The following ZNF91 variants were observed in gnomAD, a reference collection of about 807,000 sequenced individuals.
The protein encoded by ZNF91 is zinc finger protein 91, also known as zinc finger protein 91 (HPF7, HTF10).
In ZNF91, 7 loss-of-function variants were observed where a neutral mutation model predicts 12.6. That is an observed-to-expected ratio of 0.55 (90% confidence interval 0.31 to 1.04). ZNF91 has a LOEUF of 1.04. Ranked by LOEUF, ZNF91 falls within the 50% of genes least tolerant of loss-of-function variation. The pLI, the probability that ZNF91 is intolerant of heterozygous loss-of-function variation, is 0.05. For synonymous variants in ZNF91, 453 were observed against 462.6 expected, an observed-to-expected ratio of 0.98 and a Z score of 0.27; for missense variants, 1,217 against 1,385.4, an observed-to-expected ratio of 0.88 and a Z score of 1.93.
chr19:23,370,480 A>T (rs2145088232), intron 3 of ZNF91, among the ~76,000 whole-genome samples: 1 of 152,298 alleles, frequency 6.6e-6, no homozygotes, highest in East Asian at 1.9e-4. Context: ...AACAATGTTA[A>T]TATTAACAGG....
intron 3 of ZNF91, among the ~76,000 whole-genome samples, chr19:23,350,705 A>T (rs77678589): frequency 2.6e-5 from 4 of 152,150 alleles, no homozygotes; most frequent in African/African-American, 9.7e-5. Context: ...TTGTCCAAGT[A>T]GCGTGCATCA....
chr19:23,354,175 T>C (rs768594515), downstream of ZNF91, among the ~76,000 whole-genome samples: 1 of 152,130 alleles, frequency 6.6e-6, no homozygotes, highest in East Asian at 1.9e-4. Context: ...TTGATAAACA[T>C]TGATGCTAAT....
intron 1 of ZNF91, chr19:23,384,440 T>C (rs1969810656): frequency 2.9e-6 from 1 of 339,390 alleles, no homozygotes. Context: ...TGACAGTTCC[T>C]AACGAAAAAG....
chr19:23,367,904 T>C (rs949609604), intron 3 of ZNF91, among the ~76,000 whole-genome samples: 1 of 152,138 alleles, frequency 6.6e-6, no homozygotes, highest in Non-Finnish European at 1.5e-5. Context: ...TTTGTTGTTG[T>C]TGCTGTTTTG....
At chr19:23,390,967 C>T (rs1304279551) in intron 1 of ZNF91, among the ~76,000 whole-genome samples, 5 of 152,196 alleles carry the variant, frequency 3.3e-5, no homozygotes, top group South Asian at 2.1e-4. Flanking sequence ...GCAGTGAACA[C>T]CCTTGTGCAT....
intron 1 of ZNF91, among the ~76,000 whole-genome samples, chr19:23,321,503 G>C (rs574418892): frequency 1.3e-5 from 2 of 152,172 alleles, no homozygotes; most frequent in East Asian, 3.9e-4. Context: ...TGGAGGGATG[G>C]TGACATATCC....
chr19:23,344,209 C>G (rs1273410537), intron 3 of ZNF91, among the ~76,000 whole-genome samples: 1 of 152,110 alleles, frequency 6.6e-6, no homozygotes, highest in South Asian at 2.1e-4. Flanking sequence ...ATTGTTCTAC[C>G]TCAGCCTCCC....
Position 23,395,316 on chromosome 19 carries a change from C to T in ZNF91, c.30+9G>A, listed in dbSNP as rs568651805. The T allele has an allele frequency of 1.3e-4, 217 of 1,613,518 alleles. 6 individuals are homozygous for T. In the South Asian group the frequency reaches 2.3e-3, roughly 17 times the overall value. The stretch of plus-strand genomic sequence containing the variant: ...CCCTCTCTCGGGACGTCGCACCTGG[C>T]AGTCTCACCATTTCTAGGCTTCCAG... On this transcript the variant is annotated intron_variant, in intron 1 of 3. Coordinates refer to ENST00000300619, the MANE Select transcript of ZNF91 (RefSeq NM_003430.4).
intron 1 of ZNF91, among the ~76,000 whole-genome samples, chr19:23,386,185 T>C (rs1350102808): frequency 6.6e-6 from 1 of 152,094 alleles, no homozygotes; most frequent in Non-Finnish European, 1.5e-5. Flanking sequence ...GAAAACAACT[T>C]TATGCTCATA....
intron 1 of ZNF91, among the ~76,000 whole-genome samples, chr19:23,320,231 C>A (rs1967659808): frequency 1.3e-5 from 2 of 152,196 alleles, no homozygotes; most frequent in Non-Finnish European, 1.5e-5. Flanking sequence ...CATGAGTACT[C>A]TTCTATTTAG....
At chr19:23,307,526 C>T (rs1465932150) in intron 2 of ZNF91, 1 of 152,248 alleles carries the variant, frequency 6.6e-6, no homozygotes, top group African/African-American at 2.4e-5. Context: ...TGATGTGATT[C>T]TCTTTTTCTG....
Position 23,373,761 on chromosome 19 carries a change from C to T in ZNF91, c.234G>A (p.Glu78=). The part of the protein sequence containing the change: ...GKEPWNMKQH[E]MVDEPTGICP... ...ACCTACCTGTGGGTTCATCCACCAT[C>T]TCATGTTGCTTCATATTCCAGGGCT... The change falls in exon 3 of 4, where the codon GAG becomes GAA. Residue 78 remains glutamate (E), a synonymous_variant. Coordinates refer to ENST00000300619, the MANE Select transcript of ZNF91 (RefSeq NM_003430.4). The T allele has an allele frequency of 6.2e-7, 1 of 1,610,666 alleles. No homozygotes were observed. Among genetic ancestry groups the T allele is most frequent in the African/African-American group, 1.3e-5 (1 of 74,832 alleles).
chr19:23,344,243 C>T lies in ZNF91; in HGVS notation c.254-5189G>A, dbSNP rs778086621. ...CCGAGTAGCTGGGACTACTGGCGCC[C>T]GTCACCATGCCTGGCTAATTTTTTA... On this transcript the variant is annotated intron_variant, in intron 3 of 3. Coordinates refer to the ZNF91 transcript ENST00000599743. 6.6e-4 allele frequency among the ~76,000 whole-genome samples: 100 copies of T among 152,006 alleles called. 1 individual carries two copies. The highest frequency in any genetic ancestry group is 9.1e-4 in the Non-Finnish European group (62 of 68,006).
At chr19:23,390,661 C>G (rs1323376451) in intron 1 of ZNF91, among the ~76,000 whole-genome samples, 1 of 152,184 alleles carries the variant, frequency 6.6e-6, no homozygotes, top group South Asian at 2.1e-4. Context: ...GTGGGCCAAG[C>G]AATACTCTTG....
chr19:23,390,177 A>G (rs35462958), intron 1 of ZNF91, among the ~76,000 whole-genome samples: 46,236 of 151,986 alleles, frequency 0.3, 7,559 homozygotes, highest in African/African-American at 0.42. Flanking sequence ...TTAGCCAGGC[A>G]TGGTAGCACA....
At chr19:23,387,447 T>G (rs1424668230) in intron 1 of ZNF91, among the ~76,000 whole-genome samples, 1 of 152,194 alleles carries the variant, frequency 6.6e-6, no homozygotes, top group African/African-American at 2.4e-5. Flanking sequence ...TCAGGCACAA[T>G]GGCTCATGCC....
At chr19:23,384,100 C>T (rs1348055126) in intron 1 of ZNF91, among the ~76,000 whole-genome samples, 3 of 152,080 alleles carry the variant, frequency 2.0e-5, no homozygotes, top group Non-Finnish European at 2.9e-5. Flanking sequence ...CAAAGCAAAA[C>T]TCCATCTAAA....
intron 3 of ZNF91, among the ~76,000 whole-genome samples, chr19:23,373,148 C>G (rs533757726): frequency 7.0e-4 from 106 of 152,106 alleles, no homozygotes; most frequent in Non-Finnish European, 1.4e-3. Flanking sequence ...TTTCTGAAAC[C>G]AGTCTATAAA....
At chr19:23,342,297 T>A (rs1968141510) in intron 3 of ZNF91, 1 of 415,792 alleles carries the variant, frequency 2.4e-6, no homozygotes, top group East Asian at 3.3e-5. Flanking sequence ...CATGACTTTC[T>A]GGGATCCTCC....
Sources: gnomAD v4.1 joint callset for allele counts (sites outside exome capture counted in the v4.1 genomes callset) on GRCh38, gnomAD v4.1.1 for gene constraint, MANE v1.5 for transcripts, NCBI Gene and HGNC (gene_info 2026-07-23, HGNC 2026-07-21) for gene names.